Variants in ANKRD31 observed in about 807,000 individuals in gnomAD.
ANKRD31 encodes the protein ankyrin repeat domain-containing protein 31.
Under a neutral mutation model 186.0 loss-of-function variants are expected in ANKRD31, and 147 were observed. The observed-to-expected ratio is 0.79, with a 90% CI of 0.69 to 0.91. The LOEUF is 0.91. Among genes scored for constraint, ANKRD31 ranks in the 40% least tolerant of loss-of-function variants. The probability of loss-of-function intolerance (pLI) is 0.00; values close to 1 mark genes in which losing one functional copy is unlikely to be tolerated. For missense variants in ANKRD31, 1,986 were observed against 2,148.8 expected, an observed-to-expected ratio of 0.92 and a Z score of 1.50; for synonymous variants, 673 against 736.4, an observed-to-expected ratio of 0.91 and a Z score of 1.39.
chr5:75,158,568 C>G (rs936424698), intron 11 of ANKRD31, among the ~76,000 whole-genome samples: 1 of 152,130 alleles, frequency 6.6e-6, no homozygotes, highest in Non-Finnish European at 1.5e-5. Flanking sequence ...TTGAGGCCAG[C>G]AGTTCTAAAC....
intron 2 of ANKRD31, among the ~76,000 whole-genome samples, chr5:75,228,562 A>C (rs1757773497): frequency 6.6e-6 from 1 of 152,174 alleles, no homozygotes; most frequent in South Asian, 2.1e-4. Context: ...AAAATGTAGA[A>C]TATGATACCA....
Position 75,084,328 on chromosome 5 carries a change from G to A in ANKRD31, c.5519C>T (p.Ala1840Val), listed in dbSNP as rs1452361539. 5 of 1,537,022 alleles carry A rather than the reference G, an allele frequency of 3.3e-6. No homozygotes were observed. The highest frequency in any genetic ancestry group is 4.4e-6 in the Non-Finnish European group (5 of 1,146,864). Reference sequence around the variant, plus strand: ...TGAGTTTGGTTCTGGAAGTATGGGTGCATCCTCAGAAACATACCTTAAAAG... The same window carrying A: ...TGAGTTTGGTTCTGGAAGTATGGGTACATCCTCAGAAACATACCTTAAAAG... ...KELLRYVSED[A>V]PILPEPNSVP... The change falls in exon 24 of 26, where the codon GCA becomes GTA. Residue 1840 changes from alanine to valine, a missense_variant. Coordinates refer to ENST00000506364, the MANE Select transcript of ANKRD31 (RefSeq NM_001372053.1).
chr5:75,200,297 C>CTTTTTTTTTT (rs373390533), intron 5 of ANKRD31, among the ~76,000 whole-genome samples: 1 of 144,090 alleles, frequency 6.9e-6, no homozygotes, highest in African/African-American at 2.6e-5. Context: ...TTCTTTCTTT[C>CTTTTTTTTTT]TTTTTTTTTT....
chr5:75,105,312 T>A, intron 21 of ANKRD31, 94 bp from the exon 22 acceptor site: 1 of 1,283,466 alleles, frequency 7.8e-7, no homozygotes. Context: ...GTCTCCAAAT[T>A]TTAATCACTT....
At chr5:75,225,126 G>A (rs1021659321) in intron 2 of ANKRD31, among the ~76,000 whole-genome samples, 1 of 152,016 alleles carries the variant, frequency 6.6e-6, no homozygotes, top group Non-Finnish European at 1.5e-5. Flanking sequence ...ATCTTTTTTG[G>A]GGGAAATATA....
chr5:75,217,315 G>A (rs1485219605), intron 3 of ANKRD31, among the ~76,000 whole-genome samples: 1 of 152,094 alleles, frequency 6.6e-6, no homozygotes, highest in East Asian at 1.9e-4. Context: ...TACTGTTGGT[G>A]TGGTGTTGAA....
chr5:75,091,782 C>A (rs902594710), intron 22 of ANKRD31, among the ~76,000 whole-genome samples: 1 of 152,144 alleles, frequency 6.6e-6, no homozygotes, highest in Admixed American at 6.5e-5. Flanking sequence ...ATCCTGCCCC[C>A]AGCTACTGTT....
At chr5:75,149,027 T>C (rs1455169937) in intron 12 of ANKRD31, among the ~76,000 whole-genome samples, 1 of 151,942 alleles carries the variant, frequency 6.6e-6, no homozygotes, top group Admixed American at 6.6e-5. Context: ...CTAATATGCC[T>C]GCTTAATAAG....
chr5:75,105,950 AC>A (rs1747299262), intron 21 of ANKRD31, among the ~76,000 whole-genome samples: 1 of 152,072 alleles, frequency 6.6e-6, no homozygotes, highest in African/African-American at 2.4e-5. Flanking sequence ...TCCCACCCTG[AC>A]CTTCAGATTA....
chr5:75,167,350 T>C (rs1753003116), intron 11 of ANKRD31, among the ~76,000 whole-genome samples: 1 of 152,224 alleles, frequency 6.6e-6, no homozygotes, highest in African/African-American at 2.4e-5. Flanking sequence ...TTCCCAAGGC[T>C]TCCCTGTTTT....
intron 19 of ANKRD31, among the ~76,000 whole-genome samples, chr5:75,113,786 C>A (rs774759776): frequency 1.0e-3 from 153 of 152,082 alleles, no homozygotes; most frequent in African/African-American, 3.2e-3. Context: ...TTATAAAATA[C>A]AAATATAAAA....
chr5:75,192,351 C>T lies in ANKRD31; in HGVS notation c.1408+316G>A, dbSNP rs563533880. 1.3e-5 allele frequency among the ~76,000 whole-genome samples: 2 copies of T among 152,224 alleles called. 1 individual carries two copies. The highest frequency in any genetic ancestry group is 4.1e-4 in the South Asian group (2 of 4,822). ...TAATAACAATTGTGCCTTGTCCTTT[C>T]CTTTATTCCTCCTGATATGCTTTTT... On this transcript the variant is annotated intron_variant, in intron 9 of 25. Transcript: ENST00000506364.
At position 75,236,736 on chromosome 5, in the gene ANKRD31, C is replaced by A; in HGVS notation, c.-50G>T. Reference sequence around the variant, plus strand: ...TTTACCCTCCTCTAACTCCCTCTTGCCCGCAAACAAAAAAACGCTTTGAGG... The same window carrying A: ...TTTACCCTCCTCTAACTCCCTCTTGACCGCAAACAAAAAAACGCTTTGAGG... On this transcript the variant is annotated 5_prime_UTR_variant, in exon 1 of 26. Transcript: ENST00000506364. 7.0e-7 allele frequency: 1 copy of A among 1,423,932 alleles called. No individual in the cohort carries two copies. The highest frequency in any genetic ancestry group is 9.4e-7 in the Non-Finnish European group (1 of 1,065,878). The allele number at this position is 1,423,932 out of a possible 1,614,324, so 88.2% of individuals were successfully genotyped here. A position where few individuals can be genotyped will look rare whatever the true frequency, so the allele number is the denominator to read the frequency against.
chr5:75,146,244 T>G lies in ANKRD31; in HGVS notation c.3167A>C (p.Lys1056Thr). ...CTCAGTGTCACAATTCTTTGCCATC[T>G]TTTCCACAATATGTGTATCTGTTTG... The part of the protein sequence containing the change: ...MNQTDTHIVE[K>T]MAKNCDTERN... The change falls in exon 14 of 26, where the codon AAG becomes ACG. Residue 1056 changes from lysine (K) to threonine (T), a missense_variant. Coordinates refer to ENST00000506364, the MANE Select transcript of ANKRD31 (RefSeq NM_001372053.1). 1 of 1,536,452 alleles carries G rather than the reference T, an allele frequency of 6.5e-7. No homozygotes were observed. The highest frequency in any genetic ancestry group is 8.7e-7 in the Non-Finnish European group (1 of 1,146,406).
intron 10 of ANKRD31, among the ~76,000 whole-genome samples, chr5:75,176,174 T>G (rs1753782279): frequency 6.6e-6 from 1 of 152,094 alleles, no homozygotes; most frequent in Non-Finnish European, 1.5e-5. Flanking sequence ...AAGGTGGCAG[T>G]GAGGCTGGGG....
intron 21 of ANKRD31, among the ~76,000 whole-genome samples, chr5:75,105,801 C>T (rs1031763861): frequency 5.9e-5 from 9 of 152,136 alleles, no homozygotes; most frequent in African/African-American, 2.2e-4. Context: ...GAAGACACTT[C>T]CAAGTCCAGA....
intron 22 of ANKRD31, among the ~76,000 whole-genome samples, chr5:75,101,228 T>C (rs59999874): frequency 0.014 from 2,068 of 152,318 alleles, 37 homozygotes; most frequent in African/African-American, 0.047. Flanking sequence ...AAAATTCTTT[T>C]CTTTAAGAAT....
rs1461232334 is a variant in ANKRD31 at position 75,154,337 on chromosome 5, C to T, written c.1716G>A (p.Glu572=). 9.8e-6 allele frequency: 15 copies of T among 1,528,080 alleles called. No individual in the cohort carries two copies. The highest frequency in any genetic ancestry group is 1.3e-5 in the Non-Finnish European group (15 of 1,143,270). 94.7% of individuals were successfully genotyped at this position (1,528,080 alleles called of 1,614,324 possible). Reference sequence around the variant, plus strand: ...GATCAGCTCCATTCAGAAGAAGTAACTCTGCCACCTAGAAAAAGGTTATTT... The same window carrying T: ...GATCAGCTCCATTCAGAAGAAGTAATTCTGCCACCTAGAAAAAGGTTATTT... The part of the protein sequence containing the change: ...AVMNGHYKVA[E]LLLLNGADPL... Residue 572 remains glutamate (E), a synonymous_variant, in exon 12 of 26, where the codon GAG becomes GAA. Transcript: ENST00000506364.
chr5:75,230,180 G>A (rs1388130912), intron 2 of ANKRD31, among the ~76,000 whole-genome samples: 4 of 152,108 alleles, frequency 2.6e-5, no homozygotes, highest in Non-Finnish European at 5.9e-5. Flanking sequence ...CTGGCCTCCA[G>A]TCCGGGGTTG....
Sources: gnomAD v4.1 joint callset for allele counts (sites outside exome capture counted in the v4.1 genomes callset) on GRCh38, gnomAD v4.1.1 for gene constraint, MANE v1.5 for transcripts, NCBI Gene and HGNC (gene_info 2026-07-23, HGNC 2026-07-21) for gene names.